FRMPD4: variants seen among roughly 807,000 people sequenced by gnomAD.
FRMPD4 encodes FERM and PDZ domain containing 4.
FRMPD4 carries 22 observed loss-of-function variants against 94.1 expected under a neutral mutation model. The observed-to-expected ratio is 0.23, with a 90% CI of 0.17 to 0.33. FRMPD4 has a LOEUF of 0.33. Ranked by LOEUF, FRMPD4 falls within the 10% of genes least tolerant of loss-of-function variation. FRMPD4 has a pLI of 1.00. For missense variants in FRMPD4, 1,111 were observed against 1,339.9 expected, an observed-to-expected ratio of 0.83 and a Z score of 2.67; for synonymous variants, 631 against 548.6, an observed-to-expected ratio of 1.15 and a Z score of -2.10.
chrX:12,464,074 A>G (rs968067237), intron 1 of FRMPD4, among the ~76,000 whole-genome samples: 16 of 111,687 alleles, frequency 1.4e-4, no homozygotes, highest in Admixed American at 1.9e-4. Context: ...TATCTGGCCC[A>G]TTGCCAAAAG....
intron 3 of FRMPD4, among the ~76,000 whole-genome samples, chrX:12,122,331 G>T (rs781546547): frequency 8.9e-6 from 1 of 112,289 alleles, no homozygotes; most frequent in Non-Finnish European, 1.9e-5. Context: ...AAGTGGGTCG[G>T]TGAGGGCTCC....
At chrX:11,896,782 G>T (rs1035636462) in intron 3 of FRMPD4, among the ~76,000 whole-genome samples, 85 of 111,922 alleles carry the variant, frequency 7.6e-4, no homozygotes, top group African/African-American at 2.7e-3. Context: ...TTGGGCCAAT[G>T]AGCCATTCCC....
chrX:12,138,882 A>T lies in FRMPD4; in HGVS notation c.-90A>T. 1 of 744,362 alleles carries T rather than the reference A, an allele frequency of 1.3e-6. No individual in the cohort carries two copies. The highest frequency in any genetic ancestry group is 1.9e-6 in the Non-Finnish European group (1 of 539,586). The allele number at this position is 744,362 out of a possible 1,213,427, so 61.3% of individuals were successfully genotyped here. On this transcript the variant is annotated 5_prime_UTR_variant, in exon 1 of 17. Coordinates refer to ENST00000675598, the MANE Select transcript of FRMPD4 (RefSeq NM_001368397.1). The stretch of plus-strand genomic sequence containing the variant: ...CGCGACTCGAGCCCCGGGCGCACTG[A>T]GGTCTTGGCCATGGGGCTGCGGAGG...
At chrX:12,606,321 T>C (rs2059132134) in intron 2 of FRMPD4, among the ~76,000 whole-genome samples, 2 of 111,770 alleles carry the variant, frequency 1.8e-5, no homozygotes, top group Admixed American at 9.5e-5. Flanking sequence ...GGGCGTACTA[T>C]AATCCATCCT....
chrX:12,247,193 C>A (rs887715294), intron 1 of FRMPD4, among the ~76,000 whole-genome samples: 6 of 111,708 alleles, frequency 5.4e-5, no homozygotes, highest in African/African-American at 1.6e-4. Context: ...TCCCTGGTTT[C>A]TACCCACTGG....
intron 4 of FRMPD4, among the ~76,000 whole-genome samples, chrX:12,674,378 A>T (rs1247133446): frequency 8.9e-6 from 1 of 111,811 alleles, no homozygotes; most frequent in Non-Finnish European, 1.9e-5. Flanking sequence ...TTGTCTCTGG[A>T]TGCTGATCCT....
chrX:12,423,844 C>A (rs1310511072), intron 1 of FRMPD4, among the ~76,000 whole-genome samples: 1 of 111,791 alleles, frequency 8.9e-6, no homozygotes, highest in African/African-American at 3.3e-5. Flanking sequence ...CCCAATAAAG[C>A]TTTCTGTGCC....
chrX:12,269,356 A>AAT (rs1555944333), intron 1 of FRMPD4, among the ~76,000 whole-genome samples: 1 of 110,391 alleles, frequency 9.1e-6, no homozygotes, highest in Non-Finnish European at 1.9e-5. Flanking sequence ...ATAAAATAAA[A>AAT]AAAAAAATCT....
At chrX:12,375,693 A>C (rs753390710) in intron 1 of FRMPD4, among the ~76,000 whole-genome samples, 1 of 112,174 alleles carries the variant, frequency 8.9e-6, no homozygotes, top group Admixed American at 9.4e-5. Context: ...CGATCCAACA[A>C]CACCACAGAC....
chrX:12,665,127 T>G (rs974470016), intron 4 of FRMPD4, among the ~76,000 whole-genome samples: 1 of 111,067 alleles, frequency 9.0e-6, no homozygotes, highest in Non-Finnish European at 1.9e-5. Context: ...GCAGTCTGTC[T>G]ATTTTGTTAA....
At chrX:12,669,021 T>C (rs776568974) in intron 4 of FRMPD4, among the ~76,000 whole-genome samples, 100 of 112,345 alleles carry the variant, frequency 8.9e-4, no homozygotes, top group African/African-American at 3.0e-3. Flanking sequence ...TAGATTTGTG[T>C]ATTTCCTTCC....
At chrX:12,418,308 A>T (rs1369273326) in intron 1 of FRMPD4, among the ~76,000 whole-genome samples, 27 of 107,203 alleles carry the variant, frequency 2.5e-4, no homozygotes, top group Middle Eastern at 4.9e-3. Flanking sequence ...TTCTAGGCCC[A>T]GCCGATGACT....
At chrX:11,933,940 C>G (rs772997630) in intron 3 of FRMPD4, among the ~76,000 whole-genome samples, 1 of 112,000 alleles carries the variant, frequency 8.9e-6, no homozygotes, top group Admixed American at 9.5e-5. Context: ...CAGAAGAGAA[C>G]TTAAGGTATA....
intron 1 of FRMPD4, among the ~76,000 whole-genome samples, chrX:12,202,069 G>A (rs945623302): frequency 9.1e-6 from 1 of 109,438 alleles, no homozygotes; most frequent in African/African-American, 3.3e-5. Context: ...CCAAACTGCA[G>A]TTCCTTTTGG....
At chrX:12,218,106 A>G (rs1419631743) in intron 1 of FRMPD4, among the ~76,000 whole-genome samples, 1 of 111,913 alleles carries the variant, frequency 8.9e-6, no homozygotes, top group Non-Finnish European at 1.9e-5. Context: ...GTGTTCATTA[A>G]CATCCTTATT....
chrX:12,619,493 G>T (rs376020158), intron 4 of FRMPD4, among the ~76,000 whole-genome samples: 3 of 111,488 alleles, frequency 2.7e-5, no homozygotes. Flanking sequence ...CCCTGGTGGA[G>T]CCCAAGACTG....
chrX:12,413,221 C>T (rs907547296), intron 1 of FRMPD4, among the ~76,000 whole-genome samples: 1 of 111,943 alleles, frequency 8.9e-6, no homozygotes, highest in African/African-American at 3.2e-5. Flanking sequence ...AGTTCCTTTG[C>T]TCCTCAGATG....
intron 13 of FRMPD4, among the ~76,000 whole-genome samples, chrX:12,708,654 T>C (rs187356288): frequency 2.9e-3 from 318 of 111,010 alleles, no homozygotes; most frequent in Non-Finnish European, 4.2e-3. Flanking sequence ...CGGGAACAAA[T>C]GGAGATAGTG....
chrX:12,468,195 T>C (rs1157510138), intron 1 of FRMPD4, among the ~76,000 whole-genome samples: 1 of 111,932 alleles, frequency 8.9e-6, no homozygotes, highest in Non-Finnish European at 1.9e-5. Flanking sequence ...TTGAATGAAT[T>C]AAAGGAGGAT....
Sources: gnomAD v4.1 joint callset for allele counts (sites outside exome capture counted in the v4.1 genomes callset) on GRCh38, gnomAD v4.1.1 for gene constraint, MANE v1.5 for transcripts, NCBI Gene and HGNC (gene_info 2026-07-23, HGNC 2026-07-21) for gene names.